PLCXD3: variants seen among roughly 807,000 people sequenced by gnomAD.
PLCXD3 encodes the protein PI-PLC X domain-containing protein 3.
A neutral mutation model predicts 25.5 loss-of-function variants in PLCXD3; 19 were observed. That is an observed-to-expected ratio of 0.75 (90% CI 0.52 to 1.09). The LOEUF (loss-of-function observed/expected upper bound fraction) is 1.09. Ranked by LOEUF, PLCXD3 falls within the 50% of genes least tolerant of loss-of-function variation. The pLI is 0.00. For synonymous variants in PLCXD3, 174 were observed against 137.6 expected (o/e 1.26, Z -1.85); for missense variants, 411 against 388.1 (o/e 1.06, Z -0.50).
intron 1 of PLCXD3, among the ~76,000 whole-genome samples, chr5:41,506,083 A>C (rs1460484621): frequency 6.6e-6 from 1 of 152,190 alleles, no homozygotes; most frequent in Non-Finnish European, 1.5e-5. Flanking sequence ...AATAGATCTG[A>C]TGTGTGATGT....
At chr5:41,490,821 C>T (rs1748650416) in intron 1 of PLCXD3, among the ~76,000 whole-genome samples, 3 of 152,102 alleles carry the variant, frequency 2.0e-5, no homozygotes, top group Admixed American at 2.0e-4. Flanking sequence ...TGATTCTTCT[C>T]TCTTTTCTTC....
Position 41,308,128 on chromosome 5 carries a change from T to G in PLCXD3, c.*5489A>C. 1 of 152,138 alleles carries G rather than the reference T, an allele frequency of 6.6e-6. No homozygotes were observed. The highest frequency in any genetic ancestry group is 1.5e-5 in the Non-Finnish European group (1 of 68,024). 9.4% of individuals were successfully genotyped at this position (152,138 alleles called of 1,614,324 possible). On this transcript the variant is annotated 3_prime_UTR_variant, in exon 3 of 3. Transcript: ENST00000377801. ...AGGACATTATGACTGCAGATATTCATAAGGTGTCTGAACACAAGGGTATGG... is the reference window on the plus strand; with the variant it reads ...AGGACATTATGACTGCAGATATTCAGAAGGTGTCTGAACACAAGGGTATGG...
intron 2 of PLCXD3, among the ~76,000 whole-genome samples, chr5:41,336,639 A>G (rs1446572489): frequency 6.6e-6 from 1 of 152,228 alleles, no homozygotes; most frequent in East Asian, 1.9e-4. Flanking sequence ...TTCCCAACTA[A>G]GTTTCTGTCT....
At chr5:41,507,723 T>C (rs1015691910) in intron 1 of PLCXD3, among the ~76,000 whole-genome samples, 9 of 152,242 alleles carry the variant, frequency 5.9e-5, no homozygotes, top group African/African-American at 1.9e-4. Context: ...TGAGGATGAC[T>C]GAGCAGCAGT....
intron 1 of PLCXD3, among the ~76,000 whole-genome samples, chr5:41,508,573 A>G (rs1738938248): frequency 6.6e-6 from 1 of 152,142 alleles, no homozygotes; most frequent in East Asian, 1.9e-4. Flanking sequence ...GGTGTACATA[A>G]CAGGGCTTTG....
At chr5:41,379,525 G>T (rs10512772) in intron 2 of PLCXD3, among the ~76,000 whole-genome samples, 5,822 of 152,042 alleles carry the variant, frequency 0.038, 378 homozygotes, top group African/African-American at 0.13. Context: ...AAAGGCAATT[G>T]AAGGGTAATG....
At chr5:41,480,393 G>GT (rs564276013) in intron 1 of PLCXD3, among the ~76,000 whole-genome samples, 13,242 of 107,754 alleles carry the variant, frequency 0.12, 932 homozygotes, top group African/African-American at 0.26. Flanking sequence ...TAACAAAGTT[G>GT]TTTTTTTTTT....
At chr5:41,409,065 A>G in intron 1 of PLCXD3, among the ~76,000 whole-genome samples, 1 of 152,212 alleles carries the variant, frequency 6.6e-6, no homozygotes, top group East Asian at 1.9e-4. Flanking sequence ...TGCTTGTGTC[A>G]TTATTTTGCC....
At chr5:41,395,394 T>A (rs1745971762) in intron 1 of PLCXD3, among the ~76,000 whole-genome samples, 1 of 151,760 alleles carries the variant, frequency 6.6e-6, no homozygotes, top group Non-Finnish European at 1.5e-5. Context: ...AAATGAATAA[T>A]CTAATAATCT....
At position 41,483,604 on chromosome 5, in the gene PLCXD3, G is replaced by T. The variant is rs552781275; in HGVS notation, c.103+26820C>A. Among the ~76,000 whole-genome samples, 3 of 152,166 alleles carry T rather than the reference G, an allele frequency of 2.0e-5. No homozygotes were observed. In the East Asian group the frequency reaches 5.8e-4, roughly 29 times the overall value. On this transcript the variant is annotated intron_variant, in intron 1 of 2. Coordinates refer to ENST00000377801, the MANE Select transcript of PLCXD3 (RefSeq NM_001005473.3). ...TGAGTACAGAATTTCAGTTTTGCAAGATGAAAAATGTTCTGTGGATGAATG... is the reference window on the plus strand; with the variant it reads ...TGAGTACAGAATTTCAGTTTTGCAATATGAAAAATGTTCTGTGGATGAATG...
At chr5:41,385,344 T>C (rs1200324696) in intron 1 of PLCXD3, among the ~76,000 whole-genome samples, 1 of 152,132 alleles carries the variant, frequency 6.6e-6, no homozygotes, top group Non-Finnish European at 1.5e-5. Flanking sequence ...TGGTACTTAA[T>C]GTTACTCCTC....
At position 41,381,931 on chromosome 5, in the gene PLCXD3, C is replaced by G. The variant is rs1293604632; in HGVS notation, c.707G>C (p.Arg236Thr). Residue 236 changes from arginine to threonine, a missense_variant, in exon 2 of 3, where the codon AGA becomes ACA. Transcript: ENST00000377801. ...TATAAAAAACGATCCCTTCTTTCTTCTCTCAGTGATGGATGCTTGAAGAAA... is the reference window on the plus strand; with the variant it reads ...TATAAAAAACGATCCCTTCTTTCTTGTCTCAGTGATGGATGCTTGAAGAAA... ...IQFLQASITE[R>T]RKKGSFFISQ... The G allele has an allele frequency of 6.2e-7, 1 of 1,613,298 alleles. No individual in the cohort carries two copies. Among genetic ancestry groups the G allele is most frequent in the East Asian group, 2.2e-5 (1 of 44,828 alleles).
In PLCXD3 at chr5:41,313,633, C is replaced by T. The variant is rs760066621; in HGVS notation, c.950G>A (p.Gly317Glu). The T allele has an allele frequency of 1.2e-6, 2 of 1,613,830 alleles. No homozygotes were observed. The highest frequency in any genetic ancestry group is 2.2e-5 in the South Asian group (2 of 91,066). ...VIKLNYVFDE[G>E]EANT The stretch of plus-strand genomic sequence containing the variant: ...GTAGTGCTATCAAGTGTTGGCTTCT[C>T]CTTCATCAAAGACATAGTTGAGCTT... The change falls in exon 3 of 3, where the codon GGA (glycine) becomes GAA (glutamate). Residue 317 changes from glycine (G) to glutamate (E), a missense_variant. Gly to Glu is a moderately conservative substitution (Grantham distance 98, BLOSUM62 -2). Transcript: ENST00000377801.
chr5:41,480,942 T>A (rs773877672), intron 1 of PLCXD3, among the ~76,000 whole-genome samples: 2 of 151,850 alleles, frequency 1.3e-5, no homozygotes, highest in African/African-American at 4.8e-5. Flanking sequence ...AACAAAGTTA[T>A]AGCATAGTGG....
chr5:41,348,874 A>G (rs1436124010), intron 2 of PLCXD3, among the ~76,000 whole-genome samples: 1 of 152,204 alleles, frequency 6.6e-6, no homozygotes, highest in African/African-American at 2.4e-5. Flanking sequence ...AAAGCATGGA[A>G]ATACAGGACT....
At chr5:41,415,345 A>G (rs1232422579) in intron 1 of PLCXD3, among the ~76,000 whole-genome samples, 1 of 152,140 alleles carries the variant, frequency 6.6e-6, no homozygotes, top group Middle Eastern at 3.2e-3. Context: ...AGGGTAAGTC[A>G]TTTTCAGGAA....
intron 1 of PLCXD3, among the ~76,000 whole-genome samples, chr5:41,481,872 C>A (rs907562834): frequency 5.3e-5 from 8 of 152,166 alleles, no homozygotes; most frequent in African/African-American, 1.7e-4. Flanking sequence ...TTAGGTCAGG[C>A]CTTCATCTGA....
chr5:41,500,545 CT>C (rs1214649267), intron 1 of PLCXD3, among the ~76,000 whole-genome samples: 1 of 148,958 alleles, frequency 6.7e-6, no homozygotes, highest in East Asian at 2.0e-4. Flanking sequence ...CATTTATCCC[CT>C]AAACATATAT....
Position 41,382,543 on chromosome 5 carries a change from A to T in PLCXD3, c.104-9T>A, listed in dbSNP as rs777795563. On this transcript the variant is annotated splice_polypyrimidine_tract_variant and intron_variant, in intron 1 of 2. Transcript: ENST00000377801. The stretch of plus-strand genomic sequence containing the variant: ...GAAGGAATCATGAGACCCTAGGAGA[A>T]TAACAAGGCATAGTGTGGTTAATTT... The T allele has an allele frequency of 6.4e-7, 1 of 1,573,924 alleles. No homozygotes were observed. The highest frequency in any genetic ancestry group is 2.2e-5 in the East Asian group (1 of 44,448).
Sources: gnomAD v4.1 joint callset for allele counts (sites outside exome capture counted in the v4.1 genomes callset) on GRCh38, gnomAD v4.1.1 for gene constraint, MANE v1.5 for transcripts, NCBI Gene and HGNC (gene_info 2026-07-23, HGNC 2026-07-21) for gene names.